PTPRT: variants seen among roughly 807,000 people sequenced by gnomAD.
The protein encoded by PTPRT is protein tyrosine phosphatase receptor type T.
A neutral mutation model predicts 176.8 loss-of-function variants in PTPRT; 56 were observed. The observed-to-expected ratio is 0.32, with a 90% CI of 0.26 to 0.40. The LOEUF is 0.40. Among genes scored for constraint, PTPRT ranks in the 10% least tolerant of loss-of-function variants. The pLI is 1.00. For synonymous variants in PTPRT, 783 were observed against 739.0 expected, an observed-to-expected ratio of 1.06 and a Z score of -0.96; for missense variants, 1,540 against 1,908.2, an observed-to-expected ratio of 0.81 and a Z score of 3.60.
chr20:42,792,276 C>T (rs370593444), intron 2 of PTPRT, among the ~76,000 whole-genome samples: 14 of 152,184 alleles, frequency 9.2e-5, no homozygotes, highest in African/African-American at 2.4e-4. Context: ...CTAGAATAAA[C>T]GCTTATTGTT....
chr20:42,225,015 T>C (rs552815577), intron 15 of PTPRT, among the ~76,000 whole-genome samples: 9 of 152,236 alleles, frequency 5.9e-5, no homozygotes, highest in African/African-American at 1.7e-4. Context: ...TCTTCTTGTA[T>C]AAAAATGACA....
rs931067440 is a variant in PTPRT at position 43,189,655 on chromosome 20, T to C, written c.79A>G (p.Ser27Gly). 1.1e-5 allele frequency: 14 copies of C among 1,305,394 alleles called. No individual in the cohort carries two copies. Among genetic ancestry groups the C allele is most frequent in the Admixed American group, 3.7e-5 (1 of 27,338 alleles). 80.9% of individuals were successfully genotyped at this position (1,305,394 alleles called of 1,614,324 possible). A position where few individuals can be genotyped will look rare whatever the true frequency, so the allele number is the denominator to read the frequency against. Reference sequence around the variant, plus strand: ...GGGCGGGCGCACTCACCTGCGGCGCTCTGAGCCCGGGCGCCGGGCAGTGGC... The same window carrying C: ...GGGCGGGCGCACTCACCTGCGGCGCCCTGAGCCCGGGCGCCGGGCAGTGGC... ...LPPLPGARAQ[S>G]AAGGCSFDEH... Residue 27 changes from serine (S) to glycine (G), a missense_variant, in exon 1 of 31, where the codon AGC becomes GGC. Ser to Gly is a moderately conservative substitution (Grantham distance 56). Around this residue, in one of 11 missense-constraint regions of PTPRT, gnomAD observed 116 missense variants for 118.5 expected, o/e 0.98. Coordinates refer to ENST00000373187, the MANE Select transcript of PTPRT (RefSeq NM_007050.6). The surrounding 1 kb of genome is among the most constrained non-coding windows in gnomAD (Gnocchi z 5.0).
intron 7 of PTPRT, among the ~76,000 whole-genome samples, chr20:42,598,728 C>G (rs986910593): frequency 2.0e-5 from 3 of 151,998 alleles, no homozygotes; most frequent in African/African-American, 7.3e-5. Context: ...TCTCACTTCC[C>G]TGGTCTCCAG....
intron 2 of PTPRT, among the ~76,000 whole-genome samples, chr20:42,822,670 T>C (rs745706291): frequency 6.6e-6 from 1 of 151,752 alleles, no homozygotes; most frequent in Non-Finnish European, 1.5e-5. Context: ...AAATCTAATA[T>C]CCACAAGTTA....
chr20:42,876,939 G>A (rs1231584748), intron 2 of PTPRT, among the ~76,000 whole-genome samples: 1 of 152,142 alleles, frequency 6.6e-6, no homozygotes, highest in Non-Finnish European at 1.5e-5. Context: ...GGTGACATTT[G>A]TGCCGGGGTT....
chr20:42,043,629 T>C, the PTPRT span, among the ~76,000 whole-genome samples: 1 of 152,182 alleles, frequency 6.6e-6, no homozygotes, highest in South Asian at 2.1e-4. Context: ...CAGAGTCCCC[T>C]TGCAGAGCCG....
At chr20:42,788,496 G>T (rs1229285735) in intron 3 of PTPRT, among the ~76,000 whole-genome samples, 1 of 152,158 alleles carries the variant, frequency 6.6e-6, no homozygotes, top group African/African-American at 2.4e-5. Flanking sequence ...AGGCCAAGGA[G>T]ATGAGGCTGG....
intron 1 of PTPRT, among the ~76,000 whole-genome samples, chr20:43,118,388 C>T (rs1338262929): frequency 6.6e-6 from 1 of 152,188 alleles, no homozygotes; most frequent in African/African-American, 2.4e-5. Flanking sequence ...CCTCTGAACA[C>T]CTGGTACTTC....
At chr20:42,892,052 C>T (rs993294279) in intron 1 of PTPRT, among the ~76,000 whole-genome samples, 1 of 152,188 alleles carries the variant, frequency 6.6e-6, no homozygotes, top group East Asian at 1.9e-4. Context: ...TGCCCAGGGG[C>T]TATAGTTTGC....
At chr20:42,339,369 G>A (rs2058081910) in intron 11 of PTPRT, among the ~76,000 whole-genome samples, 1 of 152,190 alleles carries the variant, frequency 6.6e-6, no homozygotes, top group South Asian at 2.1e-4. Flanking sequence ...TAAGCTGGCA[G>A]AGATTCTAGT....
intron 2 of PTPRT, among the ~76,000 whole-genome samples, chr20:42,841,610 TACACACAC>T (rs3973897): frequency 0.11 from 15,497 of 140,888 alleles, 1,064 homozygotes; most frequent in African/African-American, 0.19. Context: ...TAGTGTTAAA[TACACACAC>T]ACACACACAC....
rs146805844 is a variant in PTPRT, at chr20:42,433,446, A to T, written c.1560+14774T>A. Among the ~76,000 whole-genome samples the T allele has an allele frequency of 7.0e-3, 1,068 of 152,278 alleles. 1 individual carries two copies. Among genetic ancestry groups the T allele is most frequent in the Admixed American group, 0.012 (190 of 15,304 alleles). ...AGGGTATACCTTGCAGGCTAACCCC[A>T]TTCTGTTGGAAATGACCAGCTGCAG... On this transcript the variant is annotated intron_variant, in intron 9 of 30. Coordinates refer to ENST00000373187, the MANE Select transcript of PTPRT (RefSeq NM_007050.6).
At chr20:42,514,815 G>A (rs1601168785) in intron 7 of PTPRT, among the ~76,000 whole-genome samples, 2 of 152,130 alleles carry the variant, frequency 1.3e-5, no homozygotes, top group South Asian at 4.1e-4. Flanking sequence ...CGCTATGTAG[G>A]ATTGTTGTCA....
At position 42,981,345 on chromosome 20, in the gene PTPRT, G is replaced by A. The variant is rs533644039; in HGVS notation, c.89-95413C>T. 9.2e-5 allele frequency among the ~76,000 whole-genome samples: 14 copies of A among 152,342 alleles called. No individual in the cohort carries two copies. The South Asian group carries it at 2.5e-3, about 27-fold the overall frequency. ...AATCAGAACATGCATGTAATCACCTGCACAGAGAAGGTGGGAGATTGTTTG... is the reference window on the plus strand; with the variant it reads ...AATCAGAACATGCATGTAATCACCTACACAGAGAAGGTGGGAGATTGTTTG... On this transcript the variant is annotated intron_variant, in intron 1 of 30. Coordinates refer to ENST00000373187, the MANE Select transcript of PTPRT (RefSeq NM_007050.6).
chr20:42,446,580 A>ATGTGTGTGTGTGTG (rs372328206), intron 9 of PTPRT, among the ~76,000 whole-genome samples: 139 of 139,558 alleles, frequency 1.0e-3, no homozygotes, highest in African/African-American at 3.4e-3. Context: ...TTTCATGTAA[A>ATGTGTGTGTGTGTG]TGTGTGTGTG....
intron 7 of PTPRT, among the ~76,000 whole-genome samples, chr20:42,637,533 C>T (rs949615084): frequency 1.3e-5 from 2 of 152,178 alleles, no homozygotes; most frequent in Non-Finnish European, 2.9e-5. Flanking sequence ...TCACTTCATT[C>T]AGTTCTTTGT....
At chr20:42,138,469 C>T (rs1299540218) in intron 18 of PTPRT, among the ~76,000 whole-genome samples, 1 of 152,216 alleles carries the variant, frequency 6.6e-6, no homozygotes, top group East Asian at 1.9e-4. Context: ...ACTGCACTAT[C>T]CCTTGTAGTC....
At chr20:42,487,471 C>G (rs1174507107) in intron 7 of PTPRT, among the ~76,000 whole-genome samples, 1 of 152,144 alleles carries the variant, frequency 6.6e-6, no homozygotes, top group Non-Finnish European at 1.5e-5. Context: ...AATCTGTTAT[C>G]TTACATGGCA....
chr20:43,107,037 G>A (rs1031243277), intron 1 of PTPRT, among the ~76,000 whole-genome samples: 12 of 152,174 alleles, frequency 7.9e-5, no homozygotes, highest in Admixed American at 1.3e-4. Context: ...TGATCCGCCC[G>A]CCTCGGCCTC....
Sources: allele counts gnomAD v4.1 joint callset (sites outside exome capture counted in the v4.1 genomes callset), GRCh38; gene constraint gnomAD v4.1.1; regional missense constraint gnomAD v4.1.1; non-coding constraint Gnocchi (gnomAD v3.1); transcripts MANE v1.5; gene names NCBI Gene and HGNC (gene_info 2026-07-23, HGNC 2026-07-21).